The following ELP4 variants were observed in gnomAD, a reference collection of about 807,000 sequenced individuals.
ELP4 encodes elongator complex protein 4.
In ELP4, 51 loss-of-function variants were observed where a neutral mutation model predicts 48.9. The observed-to-expected ratio is 1.04, with a 90% CI of 0.83 to 1.32. The LOEUF (loss-of-function observed/expected upper bound fraction) is 1.32. Among genes scored for constraint, ELP4 ranks in the 40% most tolerant of loss-of-function variants. The probability of loss-of-function intolerance (pLI) is 0.00; values close to 1 mark genes in which losing one functional copy is unlikely to be tolerated. For synonymous variants in ELP4, 210 were observed against 189.2 expected (o/e 1.11, Z -0.90); for missense variants, 519 against 514.6 (o/e 1.01, Z -0.08).
rs1946451013 is a variant in ELP4 at position 31,698,245 on chromosome 11, TAAAC to T, written c.1143+48026_1143+48029del. ...TTTAGTCATATAAGCCTGTTTTAAA[TAAAC>T]ACCTTATCTTTCTGTAAGTTATTTA... On this transcript the variant is annotated intron_variant, in intron 9 of 9. Coordinates refer to ENST00000640961, the MANE Select transcript of ELP4 (RefSeq NM_019040.5). 2.0e-5 allele frequency among the ~76,000 whole-genome samples: 3 copies of T among 152,320 alleles called. No individual in the cohort carries two copies. The South Asian group carries it at 6.2e-4, about 32-fold the overall frequency.
At chr11:31,570,128 G>T (rs556358551) in intron 3 of ELP4, among the ~76,000 whole-genome samples, 13 of 152,198 alleles carry the variant, frequency 8.5e-5, no homozygotes, top group African/African-American at 2.6e-4. Flanking sequence ...CGTCAACAGT[G>T]GACTGAATAA....
At chr11:31,655,274 T>C (rs1470872931) in intron 9 of ELP4, among the ~76,000 whole-genome samples, 1 of 151,946 alleles carries the variant, frequency 6.6e-6, no homozygotes, top group East Asian at 1.9e-4. Flanking sequence ...TCACATGCCA[T>C]AGTTAACCTA....
intron 6 of ELP4, among the ~76,000 whole-genome samples, chr11:31,628,884 G>A (rs1296699808): frequency 2.0e-5 from 3 of 151,930 alleles, no homozygotes; most frequent in African/African-American, 7.2e-5. Flanking sequence ...AGAGAAATAC[G>A]CCTATAAGGC....
intron 9 of ELP4, among the ~76,000 whole-genome samples, chr11:31,677,283 G>A (rs547843607): frequency 6.6e-6 from 1 of 152,310 alleles, no homozygotes; most frequent in Non-Finnish European, 1.5e-5. Flanking sequence ...TCCCTTAGGA[G>A]CAATGTAACG....
chr11:31,572,650 C>T (rs1347441952), intron 3 of ELP4, among the ~76,000 whole-genome samples: 3 of 152,142 alleles, frequency 2.0e-5, no homozygotes, highest in African/African-American at 7.2e-5. Flanking sequence ...TATTTTTACA[C>T]ATTCTTTTTA....
At chr11:31,648,216 G>A (rs1201377887) in intron 8 of ELP4, 1 of 156,926 alleles carries the variant, frequency 6.4e-6, no homozygotes, top group Admixed American at 6.3e-5. Context: ...ACTTTACAAA[G>A]CCTAGCCATA....
At chr11:31,520,174 A>C in intron 2 of ELP4, 83 bp downstream of exon 2, 1 of 1,179,186 alleles carries the variant, frequency 8.5e-7, no homozygotes, top group Non-Finnish European at 1.2e-6. Context: ...CCATTCCAAA[A>C]TTATTTAAAT....
chr11:31,750,409 T>C (rs1411335834), intron 9 of ELP4, among the ~76,000 whole-genome samples: 1 of 152,052 alleles, frequency 6.6e-6, no homozygotes, highest in African/African-American at 2.4e-5. Context: ...TACTTTCTTT[T>C]TAGTACATGA....
intron 1 of ELP4, among the ~76,000 whole-genome samples, chr11:31,516,011 A>G (rs1422897613): frequency 6.6e-6 from 1 of 151,842 alleles, no homozygotes; most frequent in Non-Finnish European, 1.5e-5. Flanking sequence ...CTTGGGAGGC[A>G]GAGGCAGGAG....
At chr11:31,709,092 A>T (rs113591889) in intron 9 of ELP4, among the ~76,000 whole-genome samples, 1 of 152,130 alleles carries the variant, frequency 6.6e-6, no homozygotes, top group Non-Finnish European at 1.5e-5. Flanking sequence ...TGATCTATAC[A>T]TCCTGTCATT....
chr11:31,739,766 C>G (rs1386219229), intron 9 of ELP4, among the ~76,000 whole-genome samples: 2 of 152,142 alleles, frequency 1.3e-5, no homozygotes, highest in Non-Finnish European at 2.9e-5. Context: ...ACACACTAAA[C>G]CTCCTCTCAA....
intron 9 of ELP4, chr11:31,761,928 T>C (rs539347162): frequency 6.6e-6 from 1 of 152,480 alleles, no homozygotes; most frequent in South Asian, 2.1e-4. Flanking sequence ...AACAATGGCA[T>C]TGCTGTCAAG....
chr11:31,675,268 C>A (rs1398378682), intron 9 of ELP4, among the ~76,000 whole-genome samples: 2 of 146,082 alleles, frequency 1.4e-5, no homozygotes, highest in Non-Finnish European at 3.0e-5. Context: ...TACATTTAAT[C>A]TTTTTTTTTT....
At position 31,770,513 on chromosome 11, in the gene ELP4, ATTT is replaced by A. The variant is rs200933329; in HGVS notation, c.1144-12873_1144-12871del. ...TGTTATTTCAACTGTTACCTAAATG[ATTT>A]TTTTTTCAGTTCTACTCATGTTGGA... On this transcript the variant is annotated intron_variant, in intron 9 of 9. Transcript: ENST00000640961. Among the ~76,000 whole-genome samples the A allele has an allele frequency of 2.8e-5, 4 of 144,436 alleles. 1 individual carries two copies. The South Asian group carries it at 8.8e-4, about 32-fold the overall frequency. 94.8% of individuals were successfully genotyped at this position (144,436 alleles called of 152,430 possible).
At chr11:31,706,777 A>G (rs565013066) in intron 9 of ELP4, among the ~76,000 whole-genome samples, 27 of 152,012 alleles carry the variant, frequency 1.8e-4, no homozygotes, top group Admixed American at 1.3e-3. Context: ...TACTTTTTAT[A>G]ATACTTCTAT....
At chr11:31,763,679 G>A (rs1381305323) in intron 9 of ELP4, 2 of 995,710 alleles carry the variant, frequency 2.0e-6, no homozygotes, top group African/African-American at 1.7e-5. Flanking sequence ...TTTTACCAAA[G>A]ATTAAACTTT....
chr11:31,714,928 T>G, intron 9 of ELP4: 1 of 397,226 alleles, frequency 2.5e-6, no homozygotes, highest in East Asian at 3.6e-5. Flanking sequence ...AATTCAATCT[T>G]TCACCTTAAT....
intron 1 of ELP4, 75 bp downstream of exon 1, chr11:31,510,082 A>AC: frequency 7.3e-7 from 1 of 1,377,812 alleles, no homozygotes; most frequent in Non-Finnish European, 1.0e-6. Flanking sequence ...AGCCACTTTG[A>AC]CCCCACATCT....
chr11:31,732,329 T>A (rs964347022), intron 9 of ELP4, among the ~76,000 whole-genome samples: 3 of 152,144 alleles, frequency 2.0e-5, no homozygotes, highest in African/African-American at 7.2e-5. Context: ...AGTTTTTGTA[T>A]GCACTTGAAG....
Sources: gnomAD v4.1 joint callset for allele counts (sites outside exome capture counted in the v4.1 genomes callset) on GRCh38, gnomAD v4.1.1 for gene constraint, MANE v1.5 for transcripts, NCBI Gene and HGNC (gene_info 2026-07-23, HGNC 2026-07-21) for gene names.